HIGD2B: variants seen among roughly 807,000 people sequenced by gnomAD.
HIGD2B encodes the protein HIG1 hypoxia inducible domain family member 2B.
For missense variants in HIGD2B, 106 were observed against 67.0 expected, an observed-to-expected ratio of 1.58 and a Z score of -2.03; for synonymous variants, 45 against 28.1, an observed-to-expected ratio of 1.60 and a Z score of -1.90.
intron 2 of HIGD2B, 56 bp from the exon 3 acceptor site, chr15:72,676,443 A>G: frequency 1.6e-6 from 1 of 625,656 alleles, no homozygotes; most frequent in Non-Finnish European, 2.8e-6. Flanking sequence ...CTTGCTCTGT[A>G]GCCCAGGCTG....
At chr15:72,679,418 G>A (rs2150976217) in intron 2 of HIGD2B, among the ~76,000 whole-genome samples, 1 of 150,942 alleles carries the variant, frequency 6.6e-6, no homozygotes, top group East Asian at 2.0e-4. Context: ...ATGCAGAGAG[G>A]GGAAGAGGAA....
At chr15:72,677,407 GCAA>G (rs1355266157) in intron 2 of HIGD2B, among the ~76,000 whole-genome samples, 1 of 151,726 alleles carries the variant, frequency 6.6e-6, no homozygotes, top group Non-Finnish European at 1.5e-5. Context: ...GCCTGGGTGG[GCAA>G]CAACAGCAAG....
At chr15:72,677,195 C>T (rs1432342535) in intron 2 of HIGD2B, among the ~76,000 whole-genome samples, 6 of 151,552 alleles carry the variant, frequency 4.0e-5, no homozygotes, top group African/African-American at 1.2e-4. Flanking sequence ...TTTGGGAGGC[C>T]GAGGCAAGCA....
At chr15:72,678,207 A>G (rs2064712995) in intron 2 of HIGD2B, among the ~76,000 whole-genome samples, 1 of 152,250 alleles carries the variant, frequency 6.6e-6, no homozygotes, top group African/African-American at 2.4e-5. Context: ...TGAAGTGCTG[A>G]GAAAGGAAAT....
chr15:72,682,910 T>G (rs556992015), intron 1 of HIGD2B: 82 of 207,422 alleles, frequency 4.0e-4, no homozygotes, highest in African/African-American at 1.9e-3. Context: ...AGTAAATCCT[T>G]TATAAGGAGA....
In HIGD2B at chr15:72,685,891, G is replaced by A; in HGVS notation, c.-266C>T. On this transcript the variant is annotated 5_prime_UTR_variant, in exon 1 of 3. Transcript: ENST00000311755. ...GAATTAAATGCAGATTAGAGTCAGG[G>A]CAGGGTAAGGTGGCGGGAGAACTAG... 1 of 476,598 alleles carries A rather than the reference G, an allele frequency of 2.1e-6. No homozygotes were observed. Among genetic ancestry groups the A allele is most frequent in the African/African-American group, 2.0e-5 (1 of 51,206 alleles). 29.5% of individuals were successfully genotyped at this position (476,598 alleles called of 1,614,324 possible). A position where few individuals can be genotyped will look rare whatever the true frequency, so the allele number is the denominator to read the frequency against.
At position 72,676,189 on chromosome 15, in the gene HIGD2B, G is replaced by A. The variant is rs551813388; in HGVS notation, c.186C>T (p.Asn62=). Residue 62 remains asparagine (N), a synonymous_variant, in exon 3 of 3, where the codon AAC becomes AAT. Coordinates refer to ENST00000311755, the MANE Select transcript of HIGD2B (RefSeq NM_001350932.3). ...TGCCCTGGTGGAAGCAGTAGAGGCCGTTGGTGAGGACGGCCGCCGTGCACA... is the reference window on the plus strand; with the variant it reads ...TGCCCTGGTGGAAGCAGTAGAGGCCATTGGTGAGGACGGCCGCCGTGCACA... ...GFLCTAAVLT[N]GLYCFHQGNS... is the part of the protein sequence containing the mutation. 1.2e-5 allele frequency: 9 copies of A among 763,576 alleles called. No homozygotes were observed. Among genetic ancestry groups the A allele is most frequent in the Non-Finnish European group, 2.2e-5 (9 of 416,324 alleles). 47.3% of individuals were successfully genotyped at this position (763,576 alleles called of 1,614,324 possible). A position where few individuals can be genotyped will look rare whatever the true frequency, so the allele number is the denominator to read the frequency against.
At chr15:72,680,980 A>G (rs1408906967) in intron 1 of HIGD2B, among the ~76,000 whole-genome samples, 1 of 152,134 alleles carries the variant, frequency 6.6e-6, no homozygotes, top group Non-Finnish European at 1.5e-5. Flanking sequence ...CAGGATGGGA[A>G]TAGCTAAGGG....
intron 2 of HIGD2B, among the ~76,000 whole-genome samples, chr15:72,678,912 G>A (rs954989566): frequency 6.6e-6 from 1 of 151,944 alleles, no homozygotes; most frequent in Admixed American, 6.6e-5. Flanking sequence ...TAGGAGGATC[G>A]TTTGAGCCTA....
chr15:72,681,184 G>A (rs1329442046), intron 1 of HIGD2B, among the ~76,000 whole-genome samples: 1 of 152,144 alleles, frequency 6.6e-6, no homozygotes. Context: ...TCTCCAAGCA[G>A]AAGTGTAGAC....
intron 1 of HIGD2B, among the ~76,000 whole-genome samples, chr15:72,684,774 C>T (rs942481420): frequency 3.9e-5 from 6 of 152,120 alleles, no homozygotes; most frequent in Non-Finnish European, 7.4e-5. Context: ...CAGGCGTGAG[C>T]CACCGAGCCC....
rs556219305 is a variant in HIGD2B at position 72,677,780 on chromosome 15, T to A, written c.-13-1393A>T. 3.5e-4 allele frequency among the ~76,000 whole-genome samples: 51 copies of A among 145,322 alleles called. No individual in the cohort carries two copies. In the South Asian group the frequency reaches 7.1e-3, roughly 20 times the overall value. On this transcript the variant is annotated intron_variant, in intron 2 of 2. Coordinates refer to ENST00000311755, the MANE Select transcript of HIGD2B (RefSeq NM_001350932.3). ...TGTATCTCTAAAAATTAAAAAAAAA[T>A]AAAATAATAAATAGAACATATAAAA...
intron 2 of HIGD2B, among the ~76,000 whole-genome samples, chr15:72,677,491 G>A (rs1239945755): frequency 2.0e-5 from 3 of 152,010 alleles, no homozygotes; most frequent in Non-Finnish European, 4.4e-5. Flanking sequence ...GGTGGGCATG[G>A]TGGCTAACAC....
intron 1 of HIGD2B, among the ~76,000 whole-genome samples, chr15:72,681,341 C>T (rs1289237982): frequency 2.0e-5 from 3 of 152,178 alleles, no homozygotes; most frequent in African/African-American, 7.2e-5. Flanking sequence ...AGTCAGAACT[C>T]TCATGGCATG....
intron 1 of HIGD2B, among the ~76,000 whole-genome samples, chr15:72,683,293 A>C (rs781329976): frequency 3.9e-5 from 6 of 152,254 alleles, no homozygotes; most frequent in Admixed American, 6.5e-5. Context: ...CATCAGCAGA[A>C]CTAAAGGGTA....
At chr15:72,679,419 G>C (rs1187771443) in intron 2 of HIGD2B, among the ~76,000 whole-genome samples, 1 of 150,686 alleles carries the variant, frequency 6.6e-6, no homozygotes, top group Non-Finnish European at 1.5e-5. Context: ...TGCAGAGAGG[G>C]GAAGAGGAAA....
Position 72,685,498 on chromosome 15 carries a change from C to A in HIGD2B, c.-193+320G>T, listed in dbSNP as rs778520472. 1.4e-4 allele frequency among the ~76,000 whole-genome samples: 21 copies of A among 152,146 alleles called. 1 individual carries two copies. The highest frequency in any genetic ancestry group is 2.9e-5 in the Non-Finnish European group (2 of 68,028). The stretch of plus-strand genomic sequence containing the variant: ...GTTTTCCTAGTTTAGAAACACTAAA[C>A]ATTTAATTCACCGCACCGGGGGCCA... On this transcript the variant is annotated intron_variant, in intron 1 of 2. Transcript: ENST00000311755.
intron 1 of HIGD2B, chr15:72,683,053 C>T (rs564261517): frequency 5.3e-5 from 10 of 188,128 alleles, no homozygotes; most frequent in East Asian, 3.4e-4. Context: ...AAAAAGGAGA[C>T]GTAATGGCTT....
intron 1 of HIGD2B, among the ~76,000 whole-genome samples, chr15:72,683,881 A>G (rs1459411474): frequency 7.3e-6 from 1 of 136,406 alleles, no homozygotes; most frequent in African/African-American, 2.7e-5. Context: ...GAAATTAATA[A>G]TTTTTCATCT....
Sources: allele counts gnomAD v4.1 joint callset (sites outside exome capture counted in the v4.1 genomes callset), GRCh38; gene constraint gnomAD v4.1.1; transcripts MANE v1.5; gene names NCBI Gene and HGNC (gene_info 2026-07-23, HGNC 2026-07-21).